Variants in DPF3 observed in about 807,000 individuals in gnomAD.
The protein encoded by DPF3 is double PHD fingers 3.
A neutral mutation model predicts 56.8 loss-of-function variants in DPF3; 18 were observed. The observed-to-expected ratio is 0.32, with a 90% confidence interval of 0.22 to 0.47. The LOEUF (loss-of-function observed/expected upper bound fraction) is 0.47. DPF3 is among the 20% of genes least tolerant of loss of function. The pLI is 1.00. For synonymous variants in DPF3, 188 were observed against 180.2 expected (o/e 1.04, Z -0.35); for missense variants, 403 against 488.8 (o/e 0.82, Z 1.65).
intron 1 of DPF3, among the ~76,000 whole-genome samples, chr14:72,881,298 T>C (rs1886311688): frequency 2.3e-4 from 1 of 4,344 alleles, no homozygotes; most frequent in Non-Finnish European, 5.0e-4. Flanking sequence ...TCAGAGCTGT[T>C]GTTGTTGTTG....
rs376458640 is a variant in DPF3 at position 72,838,908 on chromosome 14, C to CTTTTTTTTTTTTTTTTTTTT, written c.32+55129_32+55148dup. ...TATCATATATATTATCATATATATT[C>CTTTTTTTTTTTTTTTTTTTT]TTTTTTTTTTTTTTTTTTTTTTTTT... On this transcript the variant is annotated intron_variant, in intron 1 of 10. Transcript: ENST00000556509. Among the ~76,000 whole-genome samples, 12 of 78,584 alleles carry CTTTTTTTTTTTTTTTTTTTT rather than the reference C, an allele frequency of 1.5e-4. 2 individuals carry two copies. Among genetic ancestry groups the CTTTTTTTTTTTTTTTTTTTT allele is most frequent in the African/African-American group, 8.3e-4 (12 of 14,408 alleles). The allele number at this position is 78,584 out of a possible 152,430, so 51.6% of individuals were successfully genotyped here.
chr14:72,638,153 G>T (rs1885438686), intron 8 of DPF3, among the ~76,000 whole-genome samples: 1 of 152,136 alleles, frequency 6.6e-6, no homozygotes, highest in African/African-American at 2.4e-5. Flanking sequence ...AAGAGAAGAG[G>T]GTCATCGGTA....
chr14:72,705,289 T>C (rs1035881093), intron 6 of DPF3, among the ~76,000 whole-genome samples: 3 of 151,736 alleles, frequency 2.0e-5, no homozygotes, highest in Admixed American at 2.0e-4. Flanking sequence ...ACACTCCTTA[T>C]GAGAATCTAA....
chr14:72,722,441 GCCCTGC>G (rs1384510496), intron 5 of DPF3, among the ~76,000 whole-genome samples: 1 of 152,154 alleles, frequency 6.6e-6, no homozygotes, highest in African/African-American at 2.4e-5. Flanking sequence ...ATAGTATAAA[GCCCTGC>G]CCCAGAGCTC....
intron 2 of DPF3, among the ~76,000 whole-genome samples, chr14:72,767,925 C>T (rs1449852329): frequency 2.0e-5 from 3 of 152,038 alleles, no homozygotes; most frequent in Admixed American, 2.0e-4. Flanking sequence ...TGACACCTTA[C>T]TTATAAGGGA....
intron 8 of DPF3, among the ~76,000 whole-genome samples, chr14:72,642,844 A>C (rs1885602361): frequency 6.6e-6 from 1 of 152,262 alleles, no homozygotes; most frequent in Non-Finnish European, 1.5e-5. Context: ...CCAAACTGAT[A>C]TGAGCAGAGG....
chr14:72,861,411 T>C (rs1031351511), intron 1 of DPF3, among the ~76,000 whole-genome samples: 1 of 152,158 alleles, frequency 6.6e-6, no homozygotes, highest in African/African-American at 2.4e-5. Flanking sequence ...TCTCCTTAAG[T>C]TGTGTATATT....
chr14:72,793,082 C>G (rs1311569052), intron 1 of DPF3, among the ~76,000 whole-genome samples: 1 of 152,182 alleles, frequency 6.6e-6, no homozygotes, highest in Non-Finnish European at 1.5e-5. Context: ...GACAGGATTG[C>G]AAACATGATT....
chr14:72,778,758 G>A (rs1891851634), intron 1 of DPF3, among the ~76,000 whole-genome samples: 3 of 152,156 alleles, frequency 2.0e-5, no homozygotes, highest in Admixed American at 2.0e-4. Context: ...CCAAAAAAGG[G>A]CTAAGGAGGA....
At chr14:72,635,108 G>A (rs1297776757) in intron 8 of DPF3, among the ~76,000 whole-genome samples, 1 of 152,186 alleles carries the variant, frequency 6.6e-6, no homozygotes, top group Non-Finnish European at 1.5e-5. Context: ...CCTCCCTAGA[G>A]GTTGACACTG....
Position 72,785,758 on chromosome 14 carries a change from A to G in DPF3, c.33-13865T>C, listed in dbSNP as rs145961603. The stretch of plus-strand genomic sequence containing the variant: ...GGGCTTCCTGAAAATATGCCATCAG[A>G]GAAATACAAAATGTCATTATGCAGT... On this transcript the variant is annotated intron_variant, in intron 1 of 10. Transcript: ENST00000556509. Among the ~76,000 whole-genome samples, 3 of 152,338 alleles carry G rather than the reference A, an allele frequency of 2.0e-5. No individual in the cohort carries two copies. The East Asian group carries it at 5.8e-4, about 29-fold the overall frequency.
At chr14:72,768,574 A>G (rs538749959) in intron 2 of DPF3, among the ~76,000 whole-genome samples, 37 of 152,348 alleles carry the variant, frequency 2.4e-4, no homozygotes, top group Non-Finnish European at 4.1e-4. Context: ...GGGGATCTCT[A>G]TTATATTTGC....
Position 72,617,195 on chromosome 14 carries a change from G to A in DPF3, c.*2102C>T, listed in dbSNP as rs1884139234. Among the ~76,000 whole-genome samples the A allele has an allele frequency of 6.6e-6, 1 of 152,226 alleles. No individual in the cohort carries two copies. The highest frequency in any genetic ancestry group is 1.5e-5 in the Non-Finnish European group (1 of 68,046). On this transcript the variant is annotated 3_prime_UTR_variant, in exon 11 of 11. Transcript: ENST00000556509. ...ACAAATTTGCACATACTCTGAAGAG[G>A]ACGTGTGAAGTTGTAGAGCCACAGT...
At chr14:72,808,461 T>C (rs950957620) in intron 1 of DPF3, among the ~76,000 whole-genome samples, 6 of 152,140 alleles carry the variant, frequency 3.9e-5, no homozygotes, top group African/African-American at 1.4e-4. Flanking sequence ...ATACTACAAG[T>C]GGGACTTACA....
intron 1 of DPF3, among the ~76,000 whole-genome samples, chr14:72,880,704 G>A (rs61988478): frequency 0.028 from 4,300 of 152,164 alleles, 86 homozygotes; most frequent in Non-Finnish European, 0.045. Flanking sequence ...CTAAAGGCGC[G>A]TGCCACCACA....
At position 72,701,372 on chromosome 14, in the gene DPF3, G is replaced by A. The variant is rs201751551; in HGVS notation, c.605-8159C>T. 3.3e-5 allele frequency among the ~76,000 whole-genome samples: 5 copies of A among 152,322 alleles called. No individual in the cohort carries two copies. In the East Asian group the frequency reaches 9.7e-4, roughly 29 times the overall value. ...GCCTTCTCTTTCTCCTTCCCCCTGG[G>A]GCGGATCCATCTGTCAAGGTGCAGA... is the stretch of plus-strand genomic sequence containing the variant. On this transcript the variant is annotated intron_variant, in intron 6 of 10. Coordinates refer to ENST00000556509, the MANE Select transcript of DPF3 (RefSeq NM_001280542.3).
intron 6 of DPF3, among the ~76,000 whole-genome samples, chr14:72,705,278 C>A (rs1183652955): frequency 6.6e-6 from 1 of 151,986 alleles, no homozygotes; most frequent in East Asian, 1.9e-4. Flanking sequence ...ATCTAGGTTG[C>A]ACACTCCTTA....
At chr14:72,730,003 A>C (rs1300899029) in intron 4 of DPF3, among the ~76,000 whole-genome samples, 2 of 151,960 alleles carry the variant, frequency 1.3e-5, no homozygotes, top group African/African-American at 4.8e-5. Flanking sequence ...ATCATGGGGG[A>C]GGCTATACCA....
chr14:72,644,022 C>T (rs528076954), intron 8 of DPF3, among the ~76,000 whole-genome samples: 1 of 152,256 alleles, frequency 6.6e-6, no homozygotes, highest in South Asian at 2.1e-4. Flanking sequence ...ATTCACTTTC[C>T]AAGTTGCAGT....
Sources: allele counts gnomAD v4.1 joint callset (sites outside exome capture counted in the v4.1 genomes callset), GRCh38; gene constraint gnomAD v4.1.1; transcripts MANE v1.5; gene names NCBI Gene and HGNC (gene_info 2026-07-23, HGNC 2026-07-21).